The following SLC22A15 variants were observed in gnomAD, a reference collection of about 807,000 sequenced individuals.
The protein encoded by SLC22A15 is flipt 1.
Under a neutral mutation model 62.7 loss-of-function variants are expected in SLC22A15, and 45 were observed. The observed-to-expected ratio is 0.72, with a 90% confidence interval of 0.56 to 0.92. The LOEUF is 0.92. Ranked by LOEUF, SLC22A15 falls within the 40% of genes least tolerant of loss-of-function variation. The pLI, the probability that SLC22A15 is intolerant of heterozygous loss-of-function variation, is 0.00. For synonymous variants in SLC22A15, 264 were observed against 267.0 expected (o/e 0.99, Z 0.11); for missense variants, 622 against 665.6 (o/e 0.93, Z 0.72).
intron 8 of SLC22A15, among the ~76,000 whole-genome samples, chr1:116,062,028 G>A (rs1435867021): frequency 1.3e-5 from 2 of 152,222 alleles, no homozygotes; most frequent in East Asian, 3.9e-4. Flanking sequence ...GGCCAACATG[G>A]GGAAACACTG....
chr1:116,058,335 A>T (rs114891221), intron 8 of SLC22A15, among the ~76,000 whole-genome samples: 1 of 152,214 alleles, frequency 6.6e-6, no homozygotes, highest in Admixed American at 6.5e-5. Flanking sequence ...TCAAAAGAAG[A>T]TATACAGATG....
At chr1:116,019,212 T>G (rs1656697244) in intron 2 of SLC22A15, among the ~76,000 whole-genome samples, 1 of 152,204 alleles carries the variant, frequency 6.6e-6, no homozygotes, top group South Asian at 2.1e-4. Flanking sequence ...TTCATATATG[T>G]CATATAGTGT....
At chr1:116,057,118 C>A (rs1326718548) in intron 8 of SLC22A15, among the ~76,000 whole-genome samples, 3 of 151,926 alleles carry the variant, frequency 2.0e-5, no homozygotes, top group East Asian at 1.9e-4. Context: ...AGTGAAGAGG[C>A]AACCTACAAA....
At chr1:115,987,863 G>C (rs1654950060) in intron 1 of SLC22A15, among the ~76,000 whole-genome samples, 1 of 151,996 alleles carries the variant, frequency 6.6e-6, no homozygotes, top group African/African-American at 2.4e-5. Flanking sequence ...TAATCGTTCT[G>C]TATCTCATTT....
At chr1:115,977,948 C>T (rs1052316417) in intron 1 of SLC22A15, among the ~76,000 whole-genome samples, 19 of 152,140 alleles carry the variant, frequency 1.2e-4, no homozygotes, top group Non-Finnish European at 2.6e-4. Context: ...TCTAGCCGAA[C>T]AGTTCTCAGC....
At chr1:116,050,060 C>G (rs910888826) in intron 8 of SLC22A15, among the ~76,000 whole-genome samples, 1 of 151,982 alleles carries the variant, frequency 6.6e-6, no homozygotes, top group Admixed American at 6.6e-5. Flanking sequence ...TAATTAGATA[C>G]CCTGAACAGA....
intron 2 of SLC22A15, among the ~76,000 whole-genome samples, chr1:116,001,577 C>T (rs1049179007): frequency 1.3e-5 from 2 of 151,902 alleles, no homozygotes; most frequent in African/African-American, 4.8e-5. Flanking sequence ...TCTTTAAGCG[C>T]TCATTAATTC....
At chr1:115,995,211 A>G (rs550219350) in intron 2 of SLC22A15, among the ~76,000 whole-genome samples, 2 of 152,256 alleles carry the variant, frequency 1.3e-5, no homozygotes, top group East Asian at 3.9e-4. Context: ...TAGCCATTCC[A>G]GGTATTGTCT....
rs187912026 is a variant in SLC22A15 at position 116,022,345 on chromosome 1, T to C, written c.598+1460T>C. 5.9e-4 allele frequency among the ~76,000 whole-genome samples: 90 copies of C among 152,246 alleles called. 1 individual carries two copies. The highest frequency in any genetic ancestry group is 2.0e-3 in the African/African-American group (83 of 41,556). On this transcript the variant is annotated intron_variant, in intron 4 of 11. Transcript: ENST00000369503. Reference sequence around the variant, plus strand: ...CAATTTCCTGGGACTTTCTAAGAAGTTGGTAATGATGGTGATCATGCCTGC... The same window carrying C: ...CAATTTCCTGGGACTTTCTAAGAAGCTGGTAATGATGGTGATCATGCCTGC...
chr1:115,981,290 G>A (rs1265185540), intron 1 of SLC22A15, among the ~76,000 whole-genome samples: 2 of 152,192 alleles, frequency 1.3e-5, no homozygotes, highest in East Asian at 1.9e-4. Context: ...GAGAACCTAT[G>A]GTCTTACTAA....
intron 1 of SLC22A15, 150 bp downstream of exon 1, chr1:115,976,864 G>A: frequency 3.7e-6 from 2 of 537,616 alleles, no homozygotes; most frequent in Non-Finnish European, 6.0e-6. Context: ...GGGCAGGGGC[G>A]AGGCGCCGCG....
chr1:116,027,781 A>G (rs953150768), intron 5 of SLC22A15, among the ~76,000 whole-genome samples: 14 of 151,922 alleles, frequency 9.2e-5, no homozygotes, highest in Non-Finnish European at 2.1e-4. Flanking sequence ...ATGCGCCACC[A>G]CGCCCGACTG....
At chr1:116,027,071 GT>G in intron 5 of SLC22A15, 49 bp downstream of exon 5, 1 of 1,568,284 alleles carries the variant, frequency 6.4e-7, no homozygotes, top group South Asian at 1.1e-5. Context: ...CCAAAGCAAT[GT>G]CTTAAGAGGA....
chr1:116,016,709 TCACAAC>T (rs1337470645), intron 2 of SLC22A15, among the ~76,000 whole-genome samples: 1 of 152,182 alleles, frequency 6.6e-6, no homozygotes, highest in Non-Finnish European at 1.5e-5. Context: ...TTGATAAATG[TCACAAC>T]CACCCAGAGA....
At chr1:115,991,081 A>G (rs965103099) in intron 1 of SLC22A15, among the ~76,000 whole-genome samples, 19 of 152,192 alleles carry the variant, frequency 1.2e-4, no homozygotes, top group African/African-American at 4.6e-4. Flanking sequence ...CTAAGTTAAT[A>G]GGGATAGTTT....
At chr1:116,055,603 A>C (rs960571756) in intron 8 of SLC22A15, among the ~76,000 whole-genome samples, 1 of 150,692 alleles carries the variant, frequency 6.6e-6, no homozygotes. Flanking sequence ...ACACAACCAA[A>C]AAAGAGAATT....
intron 1 of SLC22A15, among the ~76,000 whole-genome samples, chr1:115,977,184 G>C (rs901995234): frequency 1.3e-5 from 2 of 152,130 alleles, no homozygotes; most frequent in Non-Finnish European, 2.9e-5. Flanking sequence ...CCTCTGCGCC[G>C]GGTGTCCTCT....
intron 9 of SLC22A15, 67 bp from the exon 10 acceptor site, chr1:116,064,369 T>C: frequency 8.5e-7 from 1 of 1,172,780 alleles, no homozygotes; most frequent in Non-Finnish European, 1.3e-6. Context: ...GGCCCGCTGC[T>C]GCCCCCCAAG....
At chr1:116,005,132 TTTGA>T (rs1221987173) in intron 2 of SLC22A15, among the ~76,000 whole-genome samples, 1 of 152,232 alleles carries the variant, frequency 6.6e-6, no homozygotes, top group Non-Finnish European at 1.5e-5. Context: ...GAGCATTTTG[TTTGA>T]TTGATTTTTC....
Sources: gnomAD v4.1 joint callset for allele counts (sites outside exome capture counted in the v4.1 genomes callset) on GRCh38, gnomAD v4.1.1 for gene constraint, MANE v1.5 for transcripts, NCBI Gene and HGNC (gene_info 2026-07-23, HGNC 2026-07-21) for gene names.